The following RASGRF2 variants were observed in gnomAD, a reference collection of about 807,000 sequenced individuals.
RASGRF2 encodes the protein ras-specific guanine nucleotide-releasing factor 2.
RASGRF2 carries 76 observed loss-of-function variants against 151.0 expected under a neutral mutation model. The observed-to-expected ratio is 0.50, with a 90% CI of 0.42 to 0.61. The LOEUF is 0.61. Ranked by LOEUF, RASGRF2 falls within the 20% of genes least tolerant of loss-of-function variation. RASGRF2 has a pLI of 0.00. For synonymous variants in RASGRF2, 504 were observed against 566.5 expected (o/e 0.89, Z 1.57); for missense variants, 1,148 against 1,564.6 (o/e 0.73, Z 4.49).
intron 2 of RASGRF2, among the ~76,000 whole-genome samples, chr5:81,061,184 T>C (rs1175279497): frequency 6.6e-6 from 1 of 152,192 alleles, no homozygotes; most frequent in Non-Finnish European, 1.5e-5. Context: ...ACCAATCCCA[T>C]ATTATAAATG....
In RASGRF2 at chr5:81,113,659, T is replaced by A. The variant is rs747965414; in HGVS notation, c.2209T>A (p.Ser737Thr). 7.4e-6 allele frequency: 12 copies of A among 1,613,052 alleles called. No homozygotes were observed. The highest frequency in any genetic ancestry group is 1.3e-5 in the African/African-American group (1 of 74,906). Reference sequence around the variant, plus strand: ...GCCACCACTGGCTGTGTCCAGAACATCTTCCCCAGTGAGGGCCAGAAAGCT... The same window carrying A: ...GCCACCACTGGCTGTGTCCAGAACAACTTCCCCAGTGAGGGCCAGAAAGCT... ...SPPPLAVSRT[S>T]SPVRARKLSL... The change falls in exon 15 of 27, where the codon TCT becomes ACT. Residue 737 changes from serine (S) to threonine (T), a missense_variant. Ser to Thr is a moderately conservative substitution (Grantham distance 58, BLOSUM62 1). Transcript: ENST00000265080.
chr5:81,103,043 AT>A (rs1460136169), intron 12 of RASGRF2, among the ~76,000 whole-genome samples: 1 of 152,180 alleles, frequency 6.6e-6, no homozygotes, highest in Non-Finnish European at 1.5e-5. Context: ...TTAAAGTATA[AT>A]AAAACTATAA....
intron 5 of RASGRF2, among the ~76,000 whole-genome samples, chr5:81,074,722 T>G (rs72769297): frequency 0.064 from 9,783 of 152,280 alleles, 373 homozygotes; most frequent in South Asian, 0.14. Context: ...AATCTGTGAA[T>G]GTACCATAGT....
intron 17 of RASGRF2, among the ~76,000 whole-genome samples, chr5:81,140,541 T>C (rs1753860912): frequency 6.6e-6 from 1 of 152,116 alleles, no homozygotes; most frequent in Non-Finnish European, 1.5e-5. Context: ...CTCCTGAGCC[T>C]GCGAAGCAGC....
rs1055063512 is a variant in RASGRF2, at chr5:81,009,003, A to C, written c.289-33874A>C. Among the ~76,000 whole-genome samples the C allele has an allele frequency of 2.0e-5, 3 of 152,202 alleles. No individual in the cohort carries two copies. In the South Asian group the frequency reaches 6.2e-4, roughly 32 times the overall value. On this transcript the variant is annotated intron_variant, in intron 1 of 26. Transcript: ENST00000265080. ...CTCATGATCTGGTTGGCTTTGCCACATAGATAGCTTTCACAACAGAGACTC... is the reference window on the plus strand; with the variant it reads ...CTCATGATCTGGTTGGCTTTGCCACCTAGATAGCTTTCACAACAGAGACTC...
intron 1 of RASGRF2, among the ~76,000 whole-genome samples, chr5:80,964,606 CTG>C (rs1747667325): frequency 6.6e-6 from 1 of 152,098 alleles, no homozygotes; most frequent in South Asian, 2.1e-4. Context: ...CTTACTAAGA[CTG>C]TTTTTAAATC....
At chr5:81,074,337 G>T (rs1188530683) in intron 5 of RASGRF2, among the ~76,000 whole-genome samples, 1 of 152,126 alleles carries the variant, frequency 6.6e-6, no homozygotes, top group East Asian at 1.9e-4. Flanking sequence ...GGAGAAGGGG[G>T]TCAAGGGAGG....
intron 15 of RASGRF2, 103 bp downstream of exon 15, chr5:81,114,023 T>C (rs891501709): frequency 1.5e-6 from 2 of 1,361,392 alleles, no homozygotes; most frequent in Non-Finnish European, 2.0e-6. Flanking sequence ...ACAACTGTAA[T>C]ACTTCTGCAT....
intron 1 of RASGRF2, among the ~76,000 whole-genome samples, chr5:81,003,456 C>A (rs1159093146): frequency 1.3e-5 from 2 of 152,128 alleles, no homozygotes; most frequent in African/African-American, 2.4e-5. Flanking sequence ...ATCTACTGAC[C>A]TCGTGATCTG....
intron 9 of RASGRF2, among the ~76,000 whole-genome samples, chr5:81,091,275 C>T (rs887376124): frequency 1.3e-5 from 2 of 152,180 alleles, no homozygotes; most frequent in Non-Finnish European, 2.9e-5. Context: ...ACTTCTGCCT[C>T]CTGCTTTCCC....
At chr5:81,175,638 C>A (rs748455424) in intron 17 of RASGRF2, among the ~76,000 whole-genome samples, 1 of 151,844 alleles carries the variant, frequency 6.6e-6, no homozygotes, top group Non-Finnish European at 1.5e-5. Context: ...TGCCTGTAAT[C>A]CCAGCTACTC....
intron 14 of RASGRF2, 152 bp downstream of exon 14, chr5:81,113,010 A>G (rs1010944915): frequency 4.7e-6 from 5 of 1,054,474 alleles, no homozygotes; most frequent in South Asian, 1.7e-5. Context: ...GCAGAAGGCC[A>G]TATGTAAAGG....
chr5:81,039,493 A>G (rs886668342), intron 1 of RASGRF2, among the ~76,000 whole-genome samples: 4 of 152,198 alleles, frequency 2.6e-5, no homozygotes, highest in African/African-American at 7.2e-5. Flanking sequence ...TATATTATGC[A>G]TTAAAACATG....
Position 81,222,798 on chromosome 5 carries a change from C to T in RASGRF2, c.3622-2880C>T, listed in dbSNP as rs114953481. Among the ~76,000 whole-genome samples, 108 of 151,954 alleles carry T rather than the reference C, an allele frequency of 7.1e-4. 1 individual carries two copies. The highest frequency in any genetic ancestry group is 2.3e-3 in the African/African-American group (95 of 41,434). On this transcript the variant is annotated intron_variant, in intron 26 of 26. Coordinates refer to ENST00000265080, the MANE Select transcript of RASGRF2 (RefSeq NM_006909.3). ...GATTTGAACAGGAAAAAATTCACCA[C>T]GGCAATGAAGCAATAAAAAGCAAAA...
At chr5:81,049,887 T>C (rs111897934) in intron 2 of RASGRF2, among the ~76,000 whole-genome samples, 1 of 152,298 alleles carries the variant, frequency 6.6e-6, no homozygotes, top group African/African-American at 2.4e-5. Context: ...CCAACATGTA[T>C]TTTTCTATAT....
intron 12 of RASGRF2, among the ~76,000 whole-genome samples, chr5:81,097,556 G>C (rs1191246086): frequency 6.6e-6 from 1 of 152,172 alleles, no homozygotes; most frequent in East Asian, 1.9e-4. Context: ...AAGAAGGATT[G>C]GGCTGCTGAA....
At chr5:81,020,868 G>A (rs184212909) in intron 1 of RASGRF2, among the ~76,000 whole-genome samples, 18 of 152,354 alleles carry the variant, frequency 1.2e-4, no homozygotes, top group African/African-American at 4.1e-4. Flanking sequence ...GCTGCACTCA[G>A]TCCTACGAGG....
At chr5:81,168,130 G>C (rs184859245) in intron 17 of RASGRF2, among the ~76,000 whole-genome samples, 1 of 151,736 alleles carries the variant, frequency 6.6e-6, no homozygotes, top group Non-Finnish European at 1.5e-5. Context: ...CCCTCTCCCC[G>C]AGGCTGTGGA....
intron 9 of RASGRF2, among the ~76,000 whole-genome samples, chr5:81,091,522 C>T (rs1341524240): frequency 6.6e-6 from 1 of 152,146 alleles, no homozygotes; most frequent in Admixed American, 6.6e-5. Flanking sequence ...GCAGCACTCA[C>T]CAAAATAGAC....
Sources: gnomAD v4.1 joint callset for allele counts (sites outside exome capture counted in the v4.1 genomes callset) on GRCh38, gnomAD v4.1.1 for gene constraint, MANE v1.5 for transcripts, NCBI Gene and HGNC (gene_info 2026-07-23, HGNC 2026-07-21) for gene names.